The following NLRP2 variants were observed in gnomAD, a reference collection of about 807,000 sequenced individuals.
The protein encoded by NLRP2 is NACHT, LRR and PYD domains-containing protein 2.
A neutral mutation model predicts 97.2 loss-of-function variants in NLRP2; 107 were observed. That is an observed-to-expected ratio of 1.10 (90% confidence interval 0.94 to 1.29). NLRP2 has a LOEUF of 1.29. Ranked by LOEUF, NLRP2 falls within the 50% of genes most tolerant of loss-of-function variation. NLRP2 has a pLI of 0.00. For missense variants in NLRP2, 1,495 were observed against 1,330.3 expected (o/e 1.12, Z -1.93); for synonymous variants, 663 against 551.5 (o/e 1.20, Z -2.83).
intron 4 of NLRP2, among the ~76,000 whole-genome samples, chr19:54,981,108 C>T (rs12980292): frequency 6.6e-6 from 1 of 152,122 alleles, no homozygotes; most frequent in Non-Finnish European, 1.5e-5. Flanking sequence ...GAGACTGTCT[C>T]AAACAGACCT....
rs61735084 is a variant in NLRP2 at position 54,983,270 on chromosome 19, T to C, written c.1572T>C (p.Asp524=). 9.2e-3 allele frequency: 14,444 copies of C among 1,577,462 alleles called. 212 individuals are homozygous for C. The highest frequency in any genetic ancestry group is 0.017 in the African/African-American group (1,260 of 74,146). The change falls in exon 6 of 13, where the codon GAT becomes GAC. Residue 524 remains aspartate, a synonymous_variant. Transcript: ENST00000448584. ...FYTLEKEEEE[D]RDGHTWDIGD... is the part of the protein sequence containing the mutation. Reference sequence around the variant, plus strand: ...CCCTGGAGAAGGAGGAGGAAGAGGATAGGGACGGCCACACCTGGGACATTG... The same window carrying C: ...CCCTGGAGAAGGAGGAGGAAGAGGACAGGGACGGCCACACCTGGGACATTG...
At position 54,983,091 on chromosome 19, in the gene NLRP2, C is replaced by T. The variant is rs1304431322; in HGVS notation, c.1393C>T (p.Leu465Phe). 11 of 1,613,244 alleles carry T rather than the reference C, an allele frequency of 6.8e-6. No individual in the cohort carries two copies. The highest frequency in any genetic ancestry group is 1.7e-4 in the Middle Eastern group (1 of 5,912). The change falls in exon 6 of 13, where the codon CTT (leucine) becomes TTT (phenylalanine). Residue 465 changes from leucine to phenylalanine, a missense_variant. Transcript: ENST00000448584. ...AQGLWAQTSVLHREDLERLGV... is the reference protein window; with the variant it reads ...AQGLWAQTSVFHREDLERLGV... ...GGGCCTGTGGGCGCAGACGTCCGTG[C>T]TTCACCGAGAGGATCTGGAAAGGCT...
Position 54,982,753 on chromosome 19 carries a change from T to C in NLRP2, c.1055T>C (p.Ile352Thr). 6.2e-7 allele frequency: 1 copy of C among 1,614,102 alleles called. No individual in the cohort carries two copies. The highest frequency in any genetic ancestry group is 8.5e-7 in the Non-Finnish European group (1 of 1,180,000). Residue 352 changes from isoleucine (I) to threonine (T), a missense_variant, in exon 6 of 13, where the codon ATC becomes ACC. Coordinates refer to ENST00000448584, the MANE Select transcript of NLRP2 (RefSeq NM_017852.5). ...CTCCGGATCCTGGCGGAGGAGCCGATCTACATAAGGGTGGAGGGCTTCCTG... is the reference window on the plus strand; with the variant it reads ...CTCCGGATCCTGGCGGAGGAGCCGACCTACATAAGGGTGGAGGGCTTCCTG... ...RDLRILAEEPIYIRVEGFLEE... is the reference protein window; with the variant it reads ...RDLRILAEEPTYIRVEGFLEE...
Position 54,970,070 on chromosome 19 carries a change from A to G in NLRP2, c.55A>G (p.Ser19Gly). The G allele has an allele frequency of 6.2e-7, 1 of 1,614,116 alleles. No homozygotes were observed. The highest frequency in any genetic ancestry group is 8.5e-7 in the Non-Finnish European group (1 of 1,180,024). ...FNLQALLEQLSQDELSKFKYL... is the reference protein window; with the variant it reads ...FNLQALLEQLGQDELSKFKYL... ...CCTGCAGGCTCTCCTGGAGCAGCTC[A>G]GCCAGGATGAGTTGAGCAAGTTCAA... is the stretch of plus-strand genomic sequence containing the variant. Residue 19 changes from serine to glycine, a missense_variant, in exon 2 of 13, where the codon AGC becomes GGC. Ser to Gly is a moderately conservative substitution (Grantham distance 56). Transcript: ENST00000448584.
At position 55,000,986 on chromosome 19, in the gene NLRP2, A is replaced by T; in HGVS notation, c.*88A>T. The T allele has an allele frequency of 8.4e-7, 1 of 1,192,280 alleles. No homozygotes were observed. Among genetic ancestry groups the T allele is most frequent in the Non-Finnish European group, 1.2e-6 (1 of 803,606 alleles). 73.9% of individuals were successfully genotyped at this position (1,192,280 alleles called of 1,614,324 possible). A position where few individuals can be genotyped will look rare whatever the true frequency, so the allele number is the denominator to read the frequency against. Reference sequence around the variant, plus strand: ...GTGACTCCTCTCCTCCCCGGCCCCTACCCCTCAGGGATAATGAGTTCATTG... The same window carrying T: ...GTGACTCCTCTCCTCCCCGGCCCCTTCCCCTCAGGGATAATGAGTTCATTG... On this transcript the variant is annotated 3_prime_UTR_variant, in exon 13 of 13. Coordinates refer to ENST00000448584, the MANE Select transcript of NLRP2 (RefSeq NM_017852.5).
At position 54,990,151 on chromosome 19, in the gene NLRP2, C is replaced by G. The variant is rs199475724; in HGVS notation, c.2496C>G (p.Tyr832Ter). Residue 832 changes from tyrosine (Y) to a stop codon, truncating the protein, a stop_gained, in exon 9 of 13, where the codon TAC (tyrosine) becomes TAG (stop). Transcript: ENST00000448584. LOFTEE classifies it high-confidence loss of function. The stretch of plus-strand genomic sequence containing the variant: ...TGGATGAGGGTGCTAAGTTGCTGTA[C>G]ACAACTTTGAGACACCCCAAGTGCT... ...ELLDEGAKLL[Y>*]TTLRHPKCFL... The G allele has an allele frequency of 1.9e-6, 3 of 1,614,114 alleles. No individual in the cohort carries two copies. In the East Asian group the frequency reaches 6.7e-5, roughly 36 times the overall value.
chr19:54,980,466 T>C (rs2071502364), intron 4 of NLRP2, among the ~76,000 whole-genome samples: 1 of 152,176 alleles, frequency 6.6e-6, no homozygotes, highest in African/African-American at 2.4e-5. Context: ...AGTGCTGGGA[T>C]TACAGGCGTG....
intron 7 of NLRP2, among the ~76,000 whole-genome samples, 178 bp from the exon 8 acceptor site, chr19:54,985,973 G>C (rs1234255213): frequency 6.6e-6 from 1 of 152,002 alleles, no homozygotes; most frequent in Non-Finnish European, 1.5e-5. Flanking sequence ...CTGCACTCCA[G>C]CCTGGGCAAC....
chr19:54,974,348 C>CAAA, intron 2 of NLRP2, 152 bp from the exon 3 acceptor site: 1 of 593,238 alleles, frequency 1.7e-6, no homozygotes, highest in Non-Finnish European at 3.0e-6. Flanking sequence ...CACTCTGTCT[C>CAAA]AAAAAAAAAA....
intron 11 of NLRP2, 103 bp from the exon 12 acceptor site, chr19:54,997,214 T>G: frequency 1.6e-6 from 2 of 1,216,236 alleles, no homozygotes; most frequent in Non-Finnish European, 2.4e-6. Flanking sequence ...CTGAGACTTC[T>G]GTTGGTCATG....
intron 4 of NLRP2, among the ~76,000 whole-genome samples, chr19:54,978,771 C>T (rs900875285): frequency 4.6e-5 from 7 of 150,728 alleles, no homozygotes; most frequent in Admixed American, 6.6e-5. Context: ...CGCTTGAACC[C>T]GGGAGGTGGA....
At chr19:55,000,506 CTGACCTCGTGATCCA>C (rs1204392543) in intron 12 of NLRP2, among the ~76,000 whole-genome samples, 5 of 150,516 alleles carry the variant, frequency 3.3e-5, no homozygotes, top group Non-Finnish European at 7.4e-5. Context: ...TCTTGATCTG[CTGACCTCGTGATCCA>C]CCCGCCTCAG....
intron 6 of NLRP2, among the ~76,000 whole-genome samples, chr19:54,984,483 A>ATTTTTTTTTTTTTTTTTTTTT (rs1568505832): frequency 8.7e-5 from 4 of 46,188 alleles, no homozygotes; most frequent in African/African-American, 1.9e-4. Flanking sequence ...TATATTCCCA[A>ATTTTTTTTTTTTTTTTTTTTT]TCTTTTTTTT....
intron 1 of NLRP2, among the ~76,000 whole-genome samples, chr19:54,968,259 C>CT (rs1184235214): frequency 1.3e-5 from 2 of 151,694 alleles, no homozygotes; most frequent in Admixed American, 6.6e-5. Context: ...AGTTGCCAGG[C>CT]TGGTCTGGAA....
Position 54,983,132 on chromosome 19 carries a change from C to T in NLRP2, c.1434C>T (p.Ser478=), listed in dbSNP as rs771520385. The change falls in exon 6 of 13, where the codon TCC becomes TCT. Residue 478 remains serine (S), a synonymous_variant. Coordinates refer to ENST00000448584, the MANE Select transcript of NLRP2 (RefSeq NM_017852.5). ...TGGAAAGGCTCGGGGTGCAGGAGTC[C>T]GACCTCCGTCTGTTCCTGGACGGAG... ...EDLERLGVQE[S]DLRLFLDGDI... is the part of the protein sequence containing the mutation. 41 of 1,613,554 alleles carry T rather than the reference C, an allele frequency of 2.5e-5. No homozygotes were observed. Among genetic ancestry groups the T allele is most frequent in the Non-Finnish European group, 2.8e-5 (33 of 1,179,958 alleles).
In NLRP2 at chr19:54,970,143, C is replaced by A; in HGVS notation, c.128C>A (p.Pro43His). ...FSLAHELQKIPHKEVDKADGK... is the reference protein window; with the variant it reads ...FSLAHELQKIHHKEVDKADGK... ...CTGGCACACGAGCTCCAGAAGATCC[C>A]CCACAAGGAGGTAGACAAGGCTGAT... Residue 43 changes from proline (P) to histidine (H), a missense_variant, in exon 2 of 13, where the codon CCC (proline) becomes CAC (histidine). Physicochemically the swap from Pro to His is moderately conservative, Grantham distance 77. Coordinates refer to ENST00000448584, the MANE Select transcript of NLRP2 (RefSeq NM_017852.5). The A allele has an allele frequency of 1.2e-6, 2 of 1,614,042 alleles. No individual in the cohort carries two copies.
At chr19:54,986,986 G>A (rs1047565021) in intron 8 of NLRP2, among the ~76,000 whole-genome samples, 2 of 151,996 alleles carry the variant, frequency 1.3e-5, no homozygotes, top group Admixed American at 6.6e-5. Context: ...CCAGGTTCAA[G>A]TGATTCTCCT....
chr19:54,972,763 C>A (rs1218747156), intron 2 of NLRP2, among the ~76,000 whole-genome samples: 5 of 152,100 alleles, frequency 3.3e-5, no homozygotes, highest in Admixed American at 3.3e-4. Flanking sequence ...CTGGCCAGTG[C>A]AGCTTTATTT....
intron 2 of NLRP2, among the ~76,000 whole-genome samples, chr19:54,973,025 C>T (rs2070964863): frequency 1.3e-5 from 2 of 151,862 alleles, no homozygotes; most frequent in African/African-American, 4.8e-5. Flanking sequence ...CCTGTCTCTA[C>T]TAAAAATATA....
Sources: allele counts gnomAD v4.1 joint callset (sites outside exome capture counted in the v4.1 genomes callset), GRCh38; gene constraint gnomAD v4.1.1; transcripts MANE v1.5; gene names NCBI Gene and HGNC (gene_info 2026-07-23, HGNC 2026-07-21).